Variants in USP54 observed in about 807,000 individuals in gnomAD.
USP54 encodes ubiquitin carboxyl-terminal hydrolase 54.
Under a neutral mutation model 170.5 loss-of-function variants are expected in USP54, and 87 were observed. The observed-to-expected ratio is 0.51, with a 90% CI of 0.43 to 0.61. USP54 has a LOEUF of 0.61. USP54 is among the 20% of genes least tolerant of loss of function. USP54 has a pLI of 0.00. For missense variants in USP54, 1,786 were observed against 2,047.8 expected, an observed-to-expected ratio of 0.87 and a Z score of 2.47; for synonymous variants, 655 against 742.8, an observed-to-expected ratio of 0.88 and a Z score of 1.92.
At chr10:73,536,070 C>T in intron 11 of USP54, 199 bp downstream of exon 11, 2 of 653,650 alleles carry the variant, frequency 3.1e-6, no homozygotes, top group Admixed American at 5.4e-5. Flanking sequence ...GTGATTTAGG[C>T]AACACTGTTT....
intron 15 of USP54, 193 bp downstream of exon 15, chr10:73,529,487 A>T (rs745531006): frequency 1.5e-6 from 1 of 673,564 alleles, no homozygotes; most frequent in Non-Finnish European, 2.6e-6. Context: ...TTTCAAATAG[A>T]AAGTTCTCTC....
chr10:73,575,695 G>A lies in USP54; in HGVS notation c.-17-20C>T. 2.6e-6 allele frequency: 4 copies of A among 1,528,182 alleles called. No homozygotes were observed. The highest frequency in any genetic ancestry group is 1.3e-5 in the South Asian group (1 of 77,138). The allele number at this position is 1,528,182 out of a possible 1,614,324, so 94.7% of individuals were successfully genotyped here. ...TTTAGCCTGAAAAAAAAATGGAGAAGGATTTGTGCCTTTTTGGCAGGAATT... is the reference window on the plus strand; with the variant it reads ...TTTAGCCTGAAAAAAAAATGGAGAAAGATTTGTGCCTTTTTGGCAGGAATT... On this transcript the variant is annotated intron_variant, in intron 2 of 23. Coordinates refer to ENST00000687698, the MANE Select transcript of USP54 (RefSeq NM_001391956.1).
chr10:73,533,394 A>G (rs1440861293), intron 12 of USP54, among the ~76,000 whole-genome samples: 2 of 152,180 alleles, frequency 1.3e-5, no homozygotes, highest in African/African-American at 4.8e-5. Flanking sequence ...ATGTGATATA[A>G]TGCCTGGGAT....
chr10:73,585,740 T>C (rs1043616296), intron 1 of USP54, among the ~76,000 whole-genome samples: 1 of 152,196 alleles, frequency 6.6e-6, no homozygotes, highest in Admixed American at 6.5e-5. Context: ...AATTAATTCC[T>C]GGCCAGGCAC....
Position 73,530,382 on chromosome 10 carries a change from G to A in USP54, c.1589C>T (p.Ser530Phe), listed in dbSNP as rs372148800. 1.2e-5 allele frequency: 19 copies of A among 1,614,192 alleles called. No individual in the cohort carries two copies. In the African/African-American group the frequency reaches 2.1e-4, roughly 18 times the overall value. Reference protein sequence around the residue: ...PSLASQTNVGSHCRGRGGDQP... With the variant: ...PSLASQTNVGFHCRGRGGDQP... Reference sequence around the variant, plus strand: ...GTCTCCTCCTCTGCCCCTGCAGTGAGAGCCTACATTGGTCTGAGAAGCCAG... The same window carrying A: ...GTCTCCTCCTCTGCCCCTGCAGTGAAAGCCTACATTGGTCTGAGAAGCCAG... The change falls in exon 14 of 24, where the codon TCT becomes TTT. Residue 530 changes from serine to phenylalanine, a missense_variant. By Grantham distance (155) the Ser-to-Phe change is radical. Coordinates refer to ENST00000687698, the MANE Select transcript of USP54 (RefSeq NM_001391956.1).
chr10:73,541,954 C>T, intron 7 of USP54: 1 of 564,912 alleles, frequency 1.8e-6, no homozygotes, highest in Non-Finnish European at 3.2e-6. Context: ...TCCCACTTTG[C>T]TGGCCAGTAC....
intron 22 of USP54, among the ~76,000 whole-genome samples, chr10:73,502,469 C>T (rs901683163): frequency 3.3e-5 from 5 of 152,188 alleles, no homozygotes; most frequent in African/African-American, 1.2e-4. Context: ...CCCGCCACCG[C>T]GCCCAGCTAA....
chr10:73,528,774 A>G (rs901996918), intron 15 of USP54, among the ~76,000 whole-genome samples: 2 of 152,144 alleles, frequency 1.3e-5, no homozygotes, highest in African/African-American at 4.8e-5. Flanking sequence ...GTGAGCCAAC[A>G]TGCCTGACCT....
chr10:73,507,637 G>A (rs574176525), intron 20 of USP54, among the ~76,000 whole-genome samples: 263 of 119,564 alleles, frequency 2.2e-3, no homozygotes, highest in Non-Finnish European at 3.3e-3. Flanking sequence ...TCACGCCACT[G>A]AACTCCAACC....
At position 73,498,424 on chromosome 10, in the gene USP54, C is replaced by G. The variant is rs1023713094; in HGVS notation, c.*205G>C. 1 of 342,142 alleles carries G rather than the reference C, an allele frequency of 2.9e-6. No homozygotes were observed. The highest frequency in any genetic ancestry group is 2.1e-5 in the African/African-American group (1 of 47,830). 21.2% of individuals were successfully genotyped at this position (342,142 alleles called of 1,614,324 possible). On this transcript the variant is annotated 3_prime_UTR_variant, in exon 24 of 24. Transcript: ENST00000687698. The stretch of plus-strand genomic sequence containing the variant: ...CCGAGTAGTTGGGACTACAGGCACG[C>G]ACCGTCACGCCTGGCTAATTTTTTG...
chr10:73,549,849 G>A (rs1440105931), intron 4 of USP54, among the ~76,000 whole-genome samples: 1 of 152,136 alleles, frequency 6.6e-6, no homozygotes, highest in African/African-American at 2.4e-5. Flanking sequence ...ACTCTCTAAA[G>A]GCTTCCCATG....
chr10:73,556,691 C>T (rs1375050978), intron 4 of USP54, among the ~76,000 whole-genome samples: 1 of 152,118 alleles, frequency 6.6e-6, no homozygotes, highest in African/African-American at 2.4e-5. Flanking sequence ...TGCTTCAGTA[C>T]ACAACAGAGA....
At chr10:73,599,023 G>C (rs1022231008) in intron 1 of USP54, among the ~76,000 whole-genome samples, 5 of 152,188 alleles carry the variant, frequency 3.3e-5, no homozygotes, top group African/African-American at 9.7e-5. Context: ...AGGTTGCAGT[G>C]AGCCGAGATC....
chr10:73,503,780 T>C (rs1441138585), intron 22 of USP54, among the ~76,000 whole-genome samples: 1 of 152,236 alleles, frequency 6.6e-6, no homozygotes, highest in East Asian at 1.9e-4. Context: ...TTACCCAGGC[T>C]GGAGTGCAGT....
At chr10:73,604,790 G>A (rs1356462989) in intron 1 of USP54, among the ~76,000 whole-genome samples, 2 of 152,062 alleles carry the variant, frequency 1.3e-5, no homozygotes, top group African/African-American at 2.4e-5. Flanking sequence ...CGAAGCCGCA[G>A]ATCTTCACGA....
At chr10:73,553,080 T>C (rs550242091) in intron 4 of USP54, 1 of 152,192 alleles carries the variant, frequency 6.6e-6, no homozygotes, top group South Asian at 2.1e-4. Flanking sequence ...ATGACCTAGA[T>C]AACAAGGGTT....
intron 22 of USP54, among the ~76,000 whole-genome samples, chr10:73,501,701 C>T (rs1194957895): frequency 1.3e-5 from 2 of 152,178 alleles, no homozygotes; most frequent in African/African-American, 4.8e-5. Context: ...TGATATGGCC[C>T]TGCTGCTCCT....
At chr10:73,621,599 CA>C (rs11380656) in intron 1 of USP54, among the ~76,000 whole-genome samples, 1,628 of 61,192 alleles carry the variant, frequency 0.027, 14 homozygotes, top group African/African-American at 0.072. Flanking sequence ...CACTCCGTCT[CA>C]AAAAAAAAAA....
rs541450841 is a variant in USP54, at chr10:73,515,482, G to A, written c.4051+893C>T. On this transcript the variant is annotated intron_variant, in intron 20 of 23. Transcript: ENST00000687698. Reference sequence around the variant, plus strand: ...ACTGACTATGATGTGCACTTCAGGTGCAGGCTCTACTCTTCACTCTGTATT... The same window carrying A: ...ACTGACTATGATGTGCACTTCAGGTACAGGCTCTACTCTTCACTCTGTATT... Among the ~76,000 whole-genome samples, 15 of 152,280 alleles carry A rather than the reference G, an allele frequency of 9.9e-5. No individual in the cohort carries two copies. In the East Asian group the frequency reaches 2.5e-3, roughly 25 times the overall value.
Sources: gnomAD v4.1 joint callset for allele counts (sites outside exome capture counted in the v4.1 genomes callset) on GRCh38, gnomAD v4.1.1 for gene constraint, MANE v1.5 for transcripts, NCBI Gene and HGNC (gene_info 2026-07-23, HGNC 2026-07-21) for gene names.